TTC12: variants seen among roughly 807,000 people sequenced by gnomAD.
TTC12 encodes the protein tetratricopeptide repeat domain 12.
TTC12 carries 70 observed loss-of-function variants against 90.1 expected under a neutral mutation model. The observed-to-expected ratio is 0.78, with a 90% CI of 0.64 to 0.95. The LOEUF (loss-of-function observed/expected upper bound fraction) is 0.95, where lower values mean the gene tolerates loss of function less well. Among genes scored for constraint, TTC12 ranks in the 40% least tolerant of loss-of-function variants. The pLI, the probability that TTC12 is intolerant of heterozygous loss-of-function variation, is 0.00. For missense variants in TTC12, 819 were observed against 846.1 expected, an observed-to-expected ratio of 0.97 and a Z score of 0.40; for synonymous variants, 296 against 311.5, an observed-to-expected ratio of 0.95 and a Z score of 0.53.
chr11:113,321,365 G>T (rs1591515921), intron 2 of TTC12, among the ~76,000 whole-genome samples: 2 of 152,200 alleles, frequency 1.3e-5, no homozygotes, highest in East Asian at 3.9e-4. Flanking sequence ...GTACATACAG[G>T]TATTCAATTC....
intron 13 of TTC12, among the ~76,000 whole-genome samples, chr11:113,344,785 G>A (rs1200510367): frequency 3.9e-5 from 6 of 152,150 alleles, no homozygotes; most frequent in Non-Finnish European, 5.9e-5. Context: ...CCTGCCATTC[G>A]TTTTCTTCTT....
Position 113,341,850 on chromosome 11 carries a change from G to A in TTC12, c.910G>A (p.Ala304Thr), listed in dbSNP as rs150675870. The A allele has an allele frequency of 1.3e-4, 215 of 1,613,790 alleles. No homozygotes were observed. The highest frequency in any genetic ancestry group is 1.8e-4 in the Non-Finnish European group (211 of 1,179,766). Residue 304 changes from alanine (A) to threonine (T), a missense_variant, in exon 12 of 22, where the codon GCA (alanine) becomes ACA (threonine). By Grantham distance (58) the Ala-to-Thr change is moderately conservative. Coordinates refer to ENST00000529221, the MANE Select transcript of TTC12 (RefSeq NM_017868.4). Reference protein sequence around the residue: ...NEVIRRCFSTAGNDAVEEMVC... With the variant: ...NEVIRRCFSTTGNDAVEEMVC... Reference sequence around the variant, plus strand: ...TGTCCATTCTAGGTGTTTTTCCACAGCAGGAAATGATGCAGTTGAAGAAAT... The same window carrying A: ...TGTCCATTCTAGGTGTTTTTCCACAACAGGAAATGATGCAGTTGAAGAAAT...
chr11:113,336,964 T>G (rs553987244), intron 8 of TTC12, among the ~76,000 whole-genome samples: 2 of 152,350 alleles, frequency 1.3e-5, no homozygotes, highest in Non-Finnish European at 2.9e-5. Flanking sequence ...CAATATTAAG[T>G]CCTCCTATCC....
At chr11:113,335,838 G>A (rs1291896270) in intron 8 of TTC12, among the ~76,000 whole-genome samples, 1 of 152,062 alleles carries the variant, frequency 6.6e-6, no homozygotes, top group Non-Finnish European at 1.5e-5. Context: ...ATGGACATTT[G>A]GGTTGTTTCC....
intron 21 of TTC12, among the ~76,000 whole-genome samples, chr11:113,365,963 C>T (rs935668335): frequency 6.6e-6 from 1 of 152,190 alleles, no homozygotes; most frequent in African/African-American, 2.4e-5. Flanking sequence ...GGGGAGTTCT[C>T]GAGAGCAAGG....
intron 17 of TTC12, among the ~76,000 whole-genome samples, chr11:113,359,693 T>A (rs782813066): frequency 1.1e-4 from 17 of 152,188 alleles, no homozygotes; most frequent in Admixed American, 3.9e-4. Flanking sequence ...CAAGGTGTGC[T>A]GAGCAGAGTA....
intron 21 of TTC12, among the ~76,000 whole-genome samples, chr11:113,372,213 G>A (rs770788938): frequency 6.6e-6 from 1 of 152,188 alleles, no homozygotes; most frequent in Non-Finnish European, 1.5e-5. Flanking sequence ...GTGGTATTAG[G>A]CATTGCTGAA....
intron 2 of TTC12, among the ~76,000 whole-genome samples, chr11:113,320,363 G>C (rs1555137766): frequency 6.6e-6 from 1 of 152,074 alleles, no homozygotes; most frequent in African/African-American, 2.4e-5. Context: ...GTGAGATGAG[G>C]ACACAAGCAG....
intron 12 of TTC12, among the ~76,000 whole-genome samples, chr11:113,342,147 C>G (rs1555146390): frequency 1.3e-5 from 2 of 152,188 alleles, no homozygotes; most frequent in African/African-American, 2.4e-5. Flanking sequence ...AATGAGTGGT[C>G]TCCTCTCTCC....
chr11:113,338,143 C>A (rs1422368117), intron 8 of TTC12, among the ~76,000 whole-genome samples: 1 of 152,098 alleles, frequency 6.6e-6, no homozygotes, highest in Non-Finnish European at 1.5e-5. Context: ...ATACTCTGGG[C>A]AGTTCTTATA....
chr11:113,341,867 T>G lies in TTC12; in HGVS notation c.927T>G (p.Val309=), dbSNP rs530630733. The change falls in exon 12 of 22, where the codon GTT becomes GTG. Residue 309 remains valine, a synonymous_variant. Transcript: ENST00000529221. ...TTTCCACAGCAGGAAATGATGCAGTTGAAGAAATGGTCTGTGTGTCTGTTC... is the reference window on the plus strand; with the variant it reads ...TTTCCACAGCAGGAAATGATGCAGTGGAAGAAATGGTCTGTGTGTCTGTTC... The part of the protein sequence containing the change: ...RCFSTAGNDA[V]EEMVCVSVLK... 4 of 1,614,190 alleles carry G rather than the reference T, an allele frequency of 2.5e-6. No homozygotes were observed. In the East Asian group the frequency reaches 6.7e-5, roughly 27 times the overall value.
intron 16 of TTC12, among the ~76,000 whole-genome samples, chr11:113,354,398 C>T (rs1555151680): frequency 6.6e-6 from 1 of 152,148 alleles, no homozygotes; most frequent in Non-Finnish European, 1.5e-5. Flanking sequence ...AGGATCATGT[C>T]GTCTACAAAC....
chr11:113,341,989 G>A (rs1239243327), intron 12 of TTC12, 64 bp downstream of exon 12: 3 of 1,410,848 alleles, frequency 2.1e-6, no homozygotes, highest in Non-Finnish European at 3.0e-6. Context: ...ACGCTGTTGG[G>A]TGGACTGTCC....
chr11:113,357,334 T>C (rs1212394636), intron 16 of TTC12, among the ~76,000 whole-genome samples: 1 of 152,236 alleles, frequency 6.6e-6, no homozygotes, highest in Non-Finnish European at 1.5e-5. Context: ...CTTCATTGTT[T>C]CATTATGATT....
At position 113,320,330 on chromosome 11, in the gene TTC12, A is replaced by C. The variant is rs117095198; in HGVS notation, c.59-2958A>C. On this transcript the variant is annotated intron_variant, in intron 2 of 21. Coordinates refer to ENST00000529221, the MANE Select transcript of TTC12 (RefSeq NM_017868.4). ...TGTGCCCATGTAAACTCTGAACCCC[A>C]GGCTCCAGAAGCAGACGAGCAGGTG... Among the ~76,000 whole-genome samples the C allele has an allele frequency of 6.4e-4, 98 of 152,236 alleles. 2 individuals carry two copies. The East Asian group carries it at 0.017, about 26-fold the overall frequency.
At chr11:113,329,765 G>C (rs1947914652) in intron 6 of TTC12, 155 bp from the exon 7 acceptor site, 1 of 710,370 alleles carries the variant, frequency 1.4e-6, no homozygotes, top group Non-Finnish European at 2.6e-6. Context: ...GTTGCCCAGT[G>C]CAAGTGTGCC....
intron 2 of TTC12, among the ~76,000 whole-genome samples, chr11:113,320,656 T>C (rs1947255566): frequency 6.6e-6 from 1 of 152,244 alleles, no homozygotes; most frequent in Non-Finnish European, 1.5e-5. Flanking sequence ...GTCACTTCCC[T>C]CTGCCCTTGT....
chr11:113,349,969 C>A, intron 13 of TTC12, 104 bp from the exon 14 acceptor site: 2 of 898,510 alleles, frequency 2.2e-6, no homozygotes, highest in Non-Finnish European at 1.8e-6. Context: ...CTGCTTATTT[C>A]ACCCGGATGC....
intron 12 of TTC12, 41 bp from the exon 13 acceptor site, chr11:113,344,231 A>C (rs1285092061): frequency 6.3e-7 from 1 of 1,577,232 alleles, no homozygotes; most frequent in Non-Finnish European, 8.6e-7. Flanking sequence ...TTTAATTGCC[A>C]TGATGGCATG....
Sources: gnomAD v4.1 joint callset for allele counts (sites outside exome capture counted in the v4.1 genomes callset) on GRCh38, gnomAD v4.1.1 for gene constraint, MANE v1.5 for transcripts, NCBI Gene and HGNC (gene_info 2026-07-23, HGNC 2026-07-21) for gene names.